DYNC2H1: variants seen among roughly 807,000 people sequenced by gnomAD.
The protein encoded by DYNC2H1 is dynein cytoplasmic 2 heavy chain 1, also known as cytoplasmic dynein 2 heavy chain 1.
Under a neutral mutation model 570.0 loss-of-function variants are expected in DYNC2H1, and 410 were observed. The ratio of observed to expected loss-of-function variants is 0.72; its 90% CI spans 0.66 to 0.78. The LOEUF is 0.78. Among genes scored for constraint, DYNC2H1 ranks in the 30% least tolerant of loss-of-function variants. The probability of loss-of-function intolerance (pLI) is 0.00; values close to 1 mark genes in which losing one functional copy is unlikely to be tolerated. For missense variants in DYNC2H1, 4,865 were observed against 5,046.4 expected (o/e 0.96, Z 1.09); for synonymous variants, 1,688 against 1,677.6 (o/e 1.01, Z -0.15).
At position 103,299,291 on chromosome 11, in the gene DYNC2H1, AAAAG is replaced by A. The variant is rs1866957108; in HGVS notation, c.11096-3792_11096-3789del. On this transcript the variant is annotated intron_variant, in intron 75 of 88. Coordinates refer to ENST00000375735, the MANE Select transcript of DYNC2H1 (RefSeq NM_001377.3). The surrounding 1 kb of genome is among the most constrained non-coding windows in gnomAD (Gnocchi z 4.5). The stretch of plus-strand genomic sequence containing the variant: ...AATCTGTCTTATCAAGTTTGTGTCT[AAAAG>A]AAAGAAAGACATAAGGATATGTGCA... 6.6e-6 allele frequency among the ~76,000 whole-genome samples: 1 copy of A among 152,128 alleles called. No homozygotes were observed. The highest frequency in any genetic ancestry group is 2.4e-5 in the African/African-American group (1 of 41,446).
chr11:103,199,459 A>G lies in DYNC2H1; in HGVS notation c.8071A>G (p.Lys2691Glu). The G allele has an allele frequency of 1.3e-6, 2 of 1,577,638 alleles. No homozygotes were observed. Among genetic ancestry groups the G allele is most frequent in the South Asian group, 1.2e-5 (1 of 82,802 alleles). ...CAGAGGATATGAACTGAAGCAGTTCAAAAATGATCTCAAACATGTGAGTTG... is the reference window on the plus strand; with the variant it reads ...CAGAGGATATGAACTGAAGCAGTTCGAAAATGATCTCAAACATGTGAGTTG... ...ISRGYELKQF[K>E]NDLKHVLQLA... Residue 2691 changes from lysine (K) to glutamate (E), a missense_variant, in exon 49 of 89, where the codon AAA becomes GAA. Physicochemically the swap from Lys to Glu is moderately conservative, Grantham distance 56 (BLOSUM62 1). Transcript: ENST00000375735. The surrounding 1 kb of genome is among the most constrained non-coding windows in gnomAD (Gnocchi z 4.6).
At position 103,307,819 on chromosome 11, in the gene DYNC2H1, G is replaced by T; in HGVS notation, c.11481G>T (p.Lys3827Asn). The T allele has an allele frequency of 6.3e-7, 1 of 1,584,204 alleles. No homozygotes were observed. The highest frequency in any genetic ancestry group is 1.3e-5 in the African/African-American group (1 of 74,422). ...CTATTTTACTACAGTCAAGTCTGAAGATAACATATGAGGTAAGAAGATTTA... is the reference window on the plus strand; with the variant it reads ...CTATTTTACTACAGTCAAGTCTGAATATAACATATGAGGTAAGAAGATTTA... ...FTPILLQSSL[K>N]ITYESPPGLK... Residue 3827 changes from lysine to asparagine, a missense_variant, in exon 78 of 89, where the codon AAG becomes AAT. Lys to Asn is a moderately conservative substitution (Grantham distance 94). Transcript: ENST00000375735.
rs557981750 is a variant in DYNC2H1, at chr11:103,367,670, A to G, written c.12156+9311A>G. On this transcript the variant is annotated intron_variant, in intron 83 of 88. Coordinates refer to ENST00000375735, the MANE Select transcript of DYNC2H1 (RefSeq NM_001377.3). ...CCTATAGCTGTAGGGTACTGTAGCT[A>G]TAGTCACCCTGCTGGGCAATAGAAC... is the stretch of plus-strand genomic sequence containing the variant. Among the ~76,000 whole-genome samples the G allele has an allele frequency of 2.0e-5, 3 of 152,244 alleles. No individual in the cohort carries two copies. The South Asian group carries it at 6.2e-4, about 32-fold the overall frequency.
intron 83 of DYNC2H1, among the ~76,000 whole-genome samples, chr11:103,386,841 T>C (rs1230214803): frequency 6.6e-6 from 1 of 152,224 alleles, no homozygotes; most frequent in African/African-American, 2.4e-5. Context: ...CATCATTTTT[T>C]GTGGCTGCAT....
At chr11:103,435,044 T>C (rs1159268056) in intron 84 of DYNC2H1, among the ~76,000 whole-genome samples, 2 of 152,166 alleles carry the variant, frequency 1.3e-5, no homozygotes, top group East Asian at 3.9e-4. Context: ...ACACCTGTTT[T>C]AGATCAAAGC....
In DYNC2H1 at chr11:103,184,950, C is replaced by T. The variant is rs1453286639; in HGVS notation, c.6532C>T (p.His2178Tyr). 3 of 1,611,132 alleles carry T rather than the reference C, an allele frequency of 1.9e-6. No homozygotes were observed. The highest frequency in any genetic ancestry group is 2.5e-6 in the Non-Finnish European group (3 of 1,178,116). ...TGGGACTGTGATGAATGGTTTGTCA[C>T]ATCTACATGGTTGCAGAGATCATGA... ...LVGTVMNGLS[H>Y]LHGCRDHDEF... The change falls in exon 41 of 89, where the codon CAT (histidine) becomes TAT (tyrosine). Residue 2178 changes from histidine to tyrosine, a missense_variant. By Grantham distance (83) the His-to-Tyr change is moderately conservative. Transcript: ENST00000375735.
intron 83 of DYNC2H1, among the ~76,000 whole-genome samples, chr11:103,366,087 CCTT>C (rs1474829633): frequency 1.3e-5 from 2 of 152,146 alleles, no homozygotes; most frequent in South Asian, 2.1e-4. Flanking sequence ...GCTAGTGTCT[CCTT>C]AGGTGGTACA....
intron 36 of DYNC2H1, among the ~76,000 whole-genome samples, chr11:103,174,421 C>T (rs556755676): frequency 8.4e-4 from 128 of 152,192 alleles, no homozygotes; most frequent in African/African-American, 3.0e-3. Flanking sequence ...TTTTACCTGA[C>T]GTCTTATAAC....
In DYNC2H1 at chr11:103,264,219, T is replaced by C. The variant is rs1212997629; in HGVS notation, c.10695+4242T>C. On this transcript the variant is annotated intron_variant, in intron 70 of 88. Coordinates refer to ENST00000375735, the MANE Select transcript of DYNC2H1 (RefSeq NM_001377.3). This position sits in a 1 kb window ranked among gnomAD's most constrained non-coding sequence, Gnocchi z 4.8. Reference sequence around the variant, plus strand: ...GAAATTGAGGCAGTAATTAATAGCCTACCAACCAAAAAAAGCCCAGGGTCA... The same window carrying C: ...GAAATTGAGGCAGTAATTAATAGCCCACCAACCAAAAAAAGCCCAGGGTCA... Among the ~76,000 whole-genome samples, 3 of 152,112 alleles carry C rather than the reference T, an allele frequency of 2.0e-5. No homozygotes were observed. Among genetic ancestry groups the C allele is most frequent in the African/African-American group, 7.2e-5 (3 of 41,410 alleles).
In DYNC2H1 at chr11:103,153,481, A is replaced by T; in HGVS notation, c.3275A>T (p.Asp1092Val). The change falls in exon 22 of 89, where the codon GAT (aspartate) becomes GTT (valine). Residue 1092 changes from aspartate to valine, a missense_variant. Transcript: ENST00000375735. ...LIKEKKIEFDDLEVTRKKLVD... is the reference protein window; with the variant it reads ...LIKEKKIEFDVLEVTRKKLVD... ...AAAGAGAAAAAAATTGAGTTTGATG[A>T]TCTTGAAGTCACAAGAAAAAAGCTG... 2.6e-6 allele frequency: 4 copies of T among 1,563,486 alleles called. No individual in the cohort carries two copies. The highest frequency in any genetic ancestry group is 3.5e-6 in the Non-Finnish European group (4 of 1,157,206).
chr11:103,288,684 T>TTAAAAAAAAAAAAAAAAAAAAA (rs1401919829), intron 75 of DYNC2H1, among the ~76,000 whole-genome samples: 2 of 27,904 alleles, frequency 7.2e-5, no homozygotes, highest in Admixed American at 6.4e-4. Flanking sequence ...CCGTCTCTAC[T>TTAAAAAAAAAAAAAAAAAAAAA]AAAAAAAAAA....
chr11:103,387,879 A>G (rs1941957448), intron 83 of DYNC2H1, among the ~76,000 whole-genome samples: 1 of 152,204 alleles, frequency 6.6e-6, no homozygotes, highest in Non-Finnish European at 1.5e-5. Context: ...TTTTGGTATC[A>G]GTACCATGCT....
chr11:103,402,218 G>A (rs1942672813), intron 84 of DYNC2H1: 1 of 152,162 alleles, frequency 6.6e-6, no homozygotes, highest in South Asian at 2.1e-4. Context: ...AAGGGGTTGA[G>A]GGGAAAAATG....
At chr11:103,140,904 C>T (rs1859881669) in intron 17 of DYNC2H1, among the ~76,000 whole-genome samples, 1 of 152,120 alleles carries the variant, frequency 6.6e-6, no homozygotes, top group African/African-American at 2.4e-5. Flanking sequence ...TTGCTCATTT[C>T]TTTTTATTCT....
At chr11:103,191,264 T>C (rs1211768842) in intron 45 of DYNC2H1, among the ~76,000 whole-genome samples, 8 of 151,982 alleles carry the variant, frequency 5.3e-5, no homozygotes, top group Non-Finnish European at 1.0e-4. Flanking sequence ...GGTCTTGAAC[T>C]GCTGACCTCG....
At chr11:103,383,438 G>T (rs1199809706) in intron 83 of DYNC2H1, among the ~76,000 whole-genome samples, 1 of 151,278 alleles carries the variant, frequency 6.6e-6, no homozygotes, top group Admixed American at 6.6e-5. Context: ...TTCTTGATTT[G>T]GGTGGTTAGT....
At chr11:103,176,503 G>A in intron 37 of DYNC2H1, 69 bp downstream of exon 37, 1 of 1,194,446 alleles carries the variant, frequency 8.4e-7, no homozygotes, top group Non-Finnish European at 1.1e-6. Flanking sequence ...AACTATCCTT[G>A]TCCTTCATCT....
In DYNC2H1 at chr11:103,286,282, C is replaced by T. The variant is rs1308840980; in HGVS notation, c.10918C>T (p.Leu3640Phe). 3 of 1,613,668 alleles carry T rather than the reference C, an allele frequency of 1.9e-6. No individual in the cohort carries two copies. Among genetic ancestry groups the T allele is most frequent in the Admixed American group, 3.3e-5 (2 of 59,996 alleles). The change falls in exon 74 of 89, where the codon CTC (leucine) becomes TTC (phenylalanine). Residue 3640 changes from leucine to phenylalanine, a missense_variant. Coordinates refer to ENST00000375735, the MANE Select transcript of DYNC2H1 (RefSeq NM_001377.3). The part of the protein sequence containing the change: ...KIALPSLYQT[L>F]CFEDAALWRT... Reference sequence around the variant, plus strand: ...TGCTCTCCCCAGTCTTTATCAGACCCTCTGCTTTGAAGATGCAGCTCTGTG... The same window carrying T: ...TGCTCTCCCCAGTCTTTATCAGACCTTCTGCTTTGAAGATGCAGCTCTGTG...
Position 103,203,671 on chromosome 11 carries a change from C to A in DYNC2H1, c.8206C>A (p.Pro2736Thr). 1 of 1,600,400 alleles carries A rather than the reference C, an allele frequency of 6.2e-7. No homozygotes were observed. ...INSLLSSGEVPGLYTLEELEP... is the reference protein window; with the variant it reads ...INSLLSSGEVTGLYTLEELEP... ...CTAATATTTTTCTGTAGGTGAAGTTCCTGGACTCTATACTCTTGAAGAATT... is the reference window on the plus strand; with the variant it reads ...CTAATATTTTTCTGTAGGTGAAGTTACTGGACTCTATACTCTTGAAGAATT... The change falls in exon 51 of 89, where the codon CCT becomes ACT. Residue 2736 changes from proline (P) to threonine (T), a missense_variant. Physicochemically the swap from Pro to Thr is conservative, Grantham distance 38. Coordinates refer to ENST00000375735, the MANE Select transcript of DYNC2H1 (RefSeq NM_001377.3). This position sits in a 1 kb window ranked among gnomAD's most constrained non-coding sequence, Gnocchi z 4.7.
Sources: gnomAD v4.1 joint callset for allele counts (sites outside exome capture counted in the v4.1 genomes callset) on GRCh38, gnomAD v4.1.1 for gene constraint, Gnocchi (gnomAD v3.1) non-coding constraint, MANE v1.5 for transcripts, NCBI Gene and HGNC (gene_info 2026-07-23, HGNC 2026-07-21) for gene names.